ACTR3C: variants seen among roughly 807,000 people sequenced by gnomAD.
The protein encoded by ACTR3C is actin related protein 3C, also known as actin-related protein 3C.
ACTR3C carries 18 observed loss-of-function variants against 26.3 expected under a neutral mutation model. The observed-to-expected ratio is 0.68, with a 90% CI of 0.47 to 1.01. The LOEUF (loss-of-function observed/expected upper bound fraction) is 1.01, where lower values mean the gene tolerates loss of function less well. Among genes scored for constraint, ACTR3C ranks in the 50% least tolerant of loss-of-function variants. ACTR3C has a pLI of 0.00. For synonymous variants in ACTR3C, 55 were observed against 94.5 expected, an observed-to-expected ratio of 0.58 and a Z score of 2.42; for missense variants, 184 against 250.7, an observed-to-expected ratio of 0.73 and a Z score of 1.80.
chr7:150,036,887 C>A, the ACTR3C span, among the ~76,000 whole-genome samples: 2,990 of 120,730 alleles, frequency 0.025, 226 homozygotes, highest in African/African-American at 0.089. Context: ...GTCTGGCTCT[C>A]AGTCCCCGCC....
chr7:150,125,535 C>T, the ACTR3C span, among the ~76,000 whole-genome samples: 1 of 152,008 alleles, frequency 6.6e-6, no homozygotes, highest in Non-Finnish European at 1.5e-5. Context: ...GGGGTGGTTT[C>T]ACAGAAGACT....
the ACTR3C span, among the ~76,000 whole-genome samples, chr7:149,994,110 C>T: frequency 7.9e-5 from 12 of 152,134 alleles, no homozygotes; most frequent in African/African-American, 2.7e-4. Flanking sequence ...CAGTTATCCT[C>T]TTGTGATTTT....
the ACTR3C span, among the ~76,000 whole-genome samples, chr7:149,884,594 TA>T: frequency 0.11 from 16,277 of 144,950 alleles, 1,805 homozygotes; most frequent in African/African-American, 0.29. Flanking sequence ...TTTGTCAACT[TA>T]AAAAAAAAAA....
At chr7:150,121,489 C>T in the ACTR3C span, among the ~76,000 whole-genome samples, 1 of 147,098 alleles carries the variant, frequency 6.8e-6, no homozygotes, top group Non-Finnish European at 1.5e-5. Flanking sequence ...ACAATTGCTT[C>T]AAAGAGAATA....
the ACTR3C span, among the ~76,000 whole-genome samples, chr7:149,903,322 T>G: frequency 6.6e-6 from 1 of 151,784 alleles, no homozygotes; most frequent in African/African-American, 2.4e-5. Flanking sequence ...GGCAATACAA[T>G]AGTCTGCATA....
chr7:150,010,195 C>A, the ACTR3C span, among the ~76,000 whole-genome samples: 132 of 152,334 alleles, frequency 8.7e-4, no homozygotes, highest in African/African-American at 3.1e-3. Flanking sequence ...GGACAATGTT[C>A]TCTTCTGTTC....
At chr7:150,053,796 G>A in the ACTR3C span, among the ~76,000 whole-genome samples, 1 of 152,214 alleles carries the variant, frequency 6.6e-6, no homozygotes, top group South Asian at 2.1e-4. Context: ...TGGAAAACTT[G>A]ACTTCACTAA....
At chr7:150,277,810 G>A (rs1320472660) in intron 6 of ACTR3C, among the ~76,000 whole-genome samples, 1 of 152,122 alleles carries the variant, frequency 6.6e-6, no homozygotes, top group Non-Finnish European at 1.5e-5. Flanking sequence ...CCTCTGCGTG[G>A]TTCTACAGTG....
the ACTR3C span, among the ~76,000 whole-genome samples, chr7:150,189,083 C>A: frequency 2.0e-5 from 3 of 151,270 alleles, no homozygotes; most frequent in Admixed American, 2.0e-4. Context: ...TATGTAGATT[C>A]TTTCTCTTAC....
chr7:150,199,664 A>G, the ACTR3C span, among the ~76,000 whole-genome samples: 1 of 142,898 alleles, frequency 7.0e-6, no homozygotes, highest in Non-Finnish European at 1.5e-5. Flanking sequence ...AAAAAAAAAT[A>G]AAACATTAAT....
the ACTR3C span, among the ~76,000 whole-genome samples, chr7:150,135,847 G>C: frequency 2.8e-5 from 4 of 145,338 alleles, no homozygotes; most frequent in East Asian, 7.9e-4. Flanking sequence ...GAAAGAAAGG[G>C]AAGAAAGAAA....
At chr7:150,194,455 CTTTATA>C in the ACTR3C span, among the ~76,000 whole-genome samples, 1 of 148,422 alleles carries the variant, frequency 6.7e-6, no homozygotes, top group Non-Finnish European at 1.5e-5. Flanking sequence ...CTATCTAAAT[CTTTATA>C]TTTAAGTTGG....
At chr7:150,256,310 A>C (rs182355265) in intron 6 of ACTR3C, among the ~76,000 whole-genome samples, 106 of 152,366 alleles carry the variant, frequency 7.0e-4, no homozygotes, top group African/African-American at 2.5e-3. Context: ...TGCTGGGCCG[A>C]ATGGTAGTTC....
chr7:150,090,151 T>C, the ACTR3C span, among the ~76,000 whole-genome samples: 3 of 152,242 alleles, frequency 2.0e-5, no homozygotes, highest in Admixed American at 2.0e-4. Context: ...GATGAGCTCA[T>C]TAATTCATGA....
At chr7:149,978,314 C>T in the ACTR3C span, among the ~76,000 whole-genome samples, 9 of 151,816 alleles carry the variant, frequency 5.9e-5, no homozygotes, top group African/African-American at 1.5e-4. Flanking sequence ...CAACAGTGTG[C>T]GTCCACGTGA....
the ACTR3C span, among the ~76,000 whole-genome samples, chr7:150,014,317 A>G: frequency 4.6e-5 from 7 of 152,038 alleles, no homozygotes; most frequent in South Asian, 2.1e-4. Context: ...TTAGCTGGGC[A>G]TGGTGGCGGG....
At chr7:150,119,145 A>G in the ACTR3C span, among the ~76,000 whole-genome samples, 2 of 152,242 alleles carry the variant, frequency 1.3e-5, no homozygotes, top group African/African-American at 4.8e-5. Context: ...ACCAAAATGT[A>G]AAGACCATCG....
intron 6 of ACTR3C, among the ~76,000 whole-genome samples, chr7:150,258,942 G>A (rs1833429836): frequency 1.3e-5 from 2 of 151,966 alleles, no homozygotes; most frequent in Admixed American, 6.6e-5. Flanking sequence ...ATGGCCTCAT[G>A]TCTATTGCAG....
chr7:150,218,397 T>C, the ACTR3C span, among the ~76,000 whole-genome samples: 1 of 152,260 alleles, frequency 6.6e-6, no homozygotes, highest in Admixed American at 6.5e-5. Context: ...TTCTAGCTAA[T>C]GGATTTCACC....
Sources: allele counts gnomAD v4.1 joint callset (sites outside exome capture counted in the v4.1 genomes callset), GRCh38; gene constraint gnomAD v4.1.1; transcripts MANE v1.5; gene names NCBI Gene and HGNC (gene_info 2026-07-23, HGNC 2026-07-21).